Variants in RYR2 observed in about 807,000 individuals in gnomAD.
The protein encoded by RYR2 is cardiac muscle ryanodine receptor-calcium release channel.
RYR2 carries 227 observed loss-of-function variants against 601.1 expected under a neutral mutation model. The ratio of observed to expected loss-of-function variants is 0.38; its 90% confidence interval spans 0.34 to 0.42. RYR2 has a LOEUF of 0.42. Ranked by LOEUF, RYR2 falls within the 10% of genes least tolerant of loss-of-function variation. The pLI is 1.00. For synonymous variants in RYR2, 2,223 were observed against 2,175.1 expected (o/e 1.02, Z -0.61); for missense variants, 4,646 against 6,156.5 (o/e 0.75, Z 8.21).
intron 10 of RYR2, among the ~76,000 whole-genome samples, chr1:237,411,424 G>T (rs1704439826): frequency 6.6e-6 from 1 of 151,906 alleles, no homozygotes; most frequent in Admixed American, 6.6e-5. Context: ...TATAATTTAG[G>T]GACTTTGAAT....
intron 1 of RYR2, among the ~76,000 whole-genome samples, chr1:237,179,759 G>A (rs915696801): frequency 1.3e-5 from 2 of 152,092 alleles, no homozygotes; most frequent in African/African-American, 2.4e-5. Context: ...AGAGCTGAGG[G>A]TAGCCTTTTA....
At chr1:237,054,308 C>G (rs1287430892) in intron 1 of RYR2, among the ~76,000 whole-genome samples, 1 of 140,788 alleles carries the variant, frequency 7.1e-6, no homozygotes, top group Non-Finnish European at 1.6e-5. Flanking sequence ...CTTCCTCCCT[C>G]TTCTCCCCTC....
chr1:237,256,930 T>C (rs543180377), intron 1 of RYR2, among the ~76,000 whole-genome samples: 2 of 152,346 alleles, frequency 1.3e-5, no homozygotes, highest in African/African-American at 2.4e-5. Flanking sequence ...CAACCTTCTC[T>C]TTCTCACCTC....
At chr1:237,390,914 G>A (rs1176627169) in intron 10 of RYR2, among the ~76,000 whole-genome samples, 3 of 152,088 alleles carry the variant, frequency 2.0e-5, no homozygotes, top group African/African-American at 7.2e-5. Flanking sequence ...CCTTTTTATA[G>A]CATATTTACA....
At chr1:237,305,439 T>G (rs1395703417) in intron 2 of RYR2, among the ~76,000 whole-genome samples, 5 of 152,178 alleles carry the variant, frequency 3.3e-5, no homozygotes, top group Non-Finnish European at 7.3e-5. Flanking sequence ...CTCAGCAAAT[T>G]TTTTATTTTT....
chr1:237,565,336 G>T (rs922034187), intron 27 of RYR2, among the ~76,000 whole-genome samples: 4 of 151,682 alleles, frequency 2.6e-5, no homozygotes, highest in African/African-American at 9.7e-5. Flanking sequence ...AACGACCATA[G>T]CTCACTGCAA....
intron 2 of RYR2, among the ~76,000 whole-genome samples, chr1:237,309,177 A>G (rs1456812032): frequency 6.9e-6 from 1 of 144,130 alleles, no homozygotes; most frequent in African/African-American, 2.6e-5. Context: ...TGATTGGTGC[A>G]TTTACAAACC....
chr1:237,543,167 T>TC (rs545385499), intron 25 of RYR2, among the ~76,000 whole-genome samples: 7 of 152,070 alleles, frequency 4.6e-5, no homozygotes, highest in African/African-American at 1.4e-4. Context: ...AGCTTTTTTT[T>TC]CCCTCTCTCT....
chr1:237,104,256 T>G (rs912184460), intron 1 of RYR2, among the ~76,000 whole-genome samples: 3 of 152,180 alleles, frequency 2.0e-5, no homozygotes, highest in African/African-American at 7.2e-5. Flanking sequence ...CATTTGGTAC[T>G]TGGAAGCAAG....
intron 9 of RYR2, 39 bp downstream of exon 9, chr1:237,387,419 G>A: frequency 1.3e-6 from 2 of 1,568,536 alleles, no homozygotes; most frequent in East Asian, 4.5e-5. Flanking sequence ...TGTCCTTGCT[G>A]CAAAGTTGAC....
intron 2 of RYR2, among the ~76,000 whole-genome samples, chr1:237,323,976 A>G (rs1240592240): frequency 6.6e-6 from 1 of 152,214 alleles, no homozygotes. Flanking sequence ...CCTCTGGCGC[A>G]AAGTGGGATG....
chr1:237,767,726 G>A (rs959132265), intron 84 of RYR2, among the ~76,000 whole-genome samples: 7 of 152,018 alleles, frequency 4.6e-5, no homozygotes, highest in African/African-American at 9.7e-5. Context: ...TACTTAAGCC[G>A]CTTAAACAGC....
intron 1 of RYR2, among the ~76,000 whole-genome samples, chr1:237,230,351 T>C (rs772761641): frequency 5.3e-5 from 8 of 152,206 alleles, no homozygotes; most frequent in Non-Finnish European, 8.8e-5. Flanking sequence ...CTATTATAGG[T>C]CTAGATTTGT....
intron 21 of RYR2, among the ~76,000 whole-genome samples, chr1:237,501,837 C>A (rs1461710247): frequency 6.6e-6 from 1 of 152,012 alleles, no homozygotes; most frequent in South Asian, 2.1e-4. Flanking sequence ...GGACCTGATA[C>A]ACAAATTAGA....
At chr1:237,047,802 G>A (rs1260908641) in intron 1 of RYR2, among the ~76,000 whole-genome samples, 3 of 152,108 alleles carry the variant, frequency 2.0e-5, no homozygotes, top group Non-Finnish European at 4.4e-5. Flanking sequence ...CTCCAAGTGT[G>A]TGGTTATCCC....
At chr1:237,739,875 C>A (rs1044916845) in intron 79 of RYR2, among the ~76,000 whole-genome samples, 4 of 152,204 alleles carry the variant, frequency 2.6e-5, no homozygotes, top group Admixed American at 2.6e-4. Flanking sequence ...GAAGAGCCCT[C>A]ATTACTGTGT....
At chr1:237,781,774 G>T in intron 89 of RYR2, 128 bp downstream of exon 89, 1 of 453,258 alleles carries the variant, frequency 2.2e-6, no homozygotes, top group East Asian at 3.4e-5. Context: ...TGGATTTCTT[G>T]CTGGCTTATT....
chr1:237,515,666 C>G (rs1048555966), intron 24 of RYR2, among the ~76,000 whole-genome samples: 11 of 126,814 alleles, frequency 8.7e-5, no homozygotes, highest in Admixed American at 7.5e-4. Flanking sequence ...CCTTCCCCTC[C>G]CTTTTTTTCC....
intron 1 of RYR2, among the ~76,000 whole-genome samples, chr1:237,244,196 A>C (rs1409733803): frequency 6.6e-6 from 1 of 152,178 alleles, no homozygotes; most frequent in African/African-American, 2.4e-5. Flanking sequence ...CCTTTTGCTT[A>C]GATGTCACCG....
Sources: allele counts gnomAD v4.1 joint callset (sites outside exome capture counted in the v4.1 genomes callset), GRCh38; gene constraint gnomAD v4.1.1; transcripts MANE v1.5; gene names NCBI Gene and HGNC (gene_info 2026-07-23, HGNC 2026-07-21).